The following ANO4 variants were observed in gnomAD, a reference collection of about 807,000 sequenced individuals.
ANO4 encodes the protein anoctamin-4.
Under a neutral mutation model 141.9 loss-of-function variants are expected in ANO4, and 69 were observed. That is an observed-to-expected ratio of 0.49 (90% CI 0.40 to 0.59). ANO4 has a LOEUF of 0.59. Among genes scored for constraint, ANO4 ranks in the 20% least tolerant of loss-of-function variants. ANO4 has a pLI of 0.00. For synonymous variants in ANO4, 350 were observed against 394.3 expected (o/e 0.89, Z 1.33); for missense variants, 894 against 1,162.2 (o/e 0.77, Z 3.36).
At chr12:100,726,668 C>T (rs1018305203) in intron 1 of ANO4, among the ~76,000 whole-genome samples, 16 of 152,130 alleles carry the variant, frequency 1.1e-4, no homozygotes, top group African/African-American at 3.6e-4. Context: ...AGACTGCACT[C>T]GGAGGAGCAG....
At chr12:101,122,484 C>T (rs2051137327) in intron 26 of ANO4, among the ~76,000 whole-genome samples, 2 of 152,130 alleles carry the variant, frequency 1.3e-5, no homozygotes, top group African/African-American at 4.8e-5. Context: ...AAGGGTATTT[C>T]CTAGGTTTTC....
Position 100,888,050 on chromosome 12 carries a change from T to C in ANO4, c.-140-13596T>C, listed in dbSNP as rs577441242. Among the ~76,000 whole-genome samples the C allele has an allele frequency of 2.6e-5, 4 of 152,170 alleles. No homozygotes were observed. In the East Asian group the frequency reaches 7.7e-4, roughly 29 times the overall value. ...TTAAGTATCACAGGGTGAGACAAAG[T>C]GAGAAATTCAGGATTTAGATTGGCA... On this transcript the variant is annotated intron_variant, in intron 1 of 27. Coordinates refer to ENST00000392977, the MANE Select transcript of ANO4 (RefSeq NM_001286615.2).
At chr12:100,739,952 G>C (rs148041984) in exon 3 of ANO4, 3 of 702,362 alleles carry the variant, frequency 4.3e-6, no homozygotes. Flanking sequence ...GCCTCTCTTC[G>C]TCTCCAAAGA....
intron 1 of ANO4, among the ~76,000 whole-genome samples, chr12:100,806,469 C>T (rs1314533008): frequency 6.7e-6 from 1 of 149,344 alleles, no homozygotes; most frequent in Non-Finnish European, 1.5e-5. Context: ...TTTGCAGGCC[C>T]ACTTTCAACT....
At chr12:101,051,740 C>T (rs1482627710) in intron 14 of ANO4, among the ~76,000 whole-genome samples, 1 of 152,172 alleles carries the variant, frequency 6.6e-6, no homozygotes, top group Non-Finnish European at 1.5e-5. Flanking sequence ...TAGAAAGTGG[C>T]AAAGCCAAGA....
At chr12:101,109,757 T>C (rs1381293307) in intron 22 of ANO4, among the ~76,000 whole-genome samples, 1 of 152,126 alleles carries the variant, frequency 6.6e-6, no homozygotes, top group Non-Finnish European at 1.5e-5. Context: ...ATTATTACTG[T>C]GATGTTTGAC....
intron 8 of ANO4, 119 bp downstream of exon 8, chr12:100,987,789 T>G (rs1340577151): frequency 7.2e-7 from 1 of 1,395,238 alleles, no homozygotes; most frequent in Admixed American, 2.3e-5. Context: ...CCTTCTCCCC[T>G]AAAAGTCTTG....
chr12:100,901,672 G>A lies in ANO4; in HGVS notation c.-114G>A. 1 of 916,246 alleles carries A rather than the reference G, an allele frequency of 1.1e-6. No individual in the cohort carries two copies. The highest frequency in any genetic ancestry group is 1.8e-6 in the Non-Finnish European group (1 of 543,106). 56.8% of individuals were successfully genotyped at this position (916,246 alleles called of 1,614,324 possible). On this transcript the variant is annotated 5_prime_UTR_variant, in exon 2 of 28. Coordinates refer to ENST00000392977, the MANE Select transcript of ANO4 (RefSeq NM_001286615.2). The stretch of plus-strand genomic sequence containing the variant: ...TTTAAGTTTATCTATTCATGGGGCT[G>A]AAAAGCGTTTGCAAATCCATCAACG...
chr12:100,818,433 C>T (rs1215597818), intron 1 of ANO4, among the ~76,000 whole-genome samples: 1 of 151,852 alleles, frequency 6.6e-6, no homozygotes, highest in African/African-American at 2.4e-5. Flanking sequence ...CATTACCCTT[C>T]AACTTTATTC....
At chr12:100,822,881 A>G (rs2036128559) in intron 1 of ANO4, among the ~76,000 whole-genome samples, 1 of 151,788 alleles carries the variant, frequency 6.6e-6, no homozygotes, top group Non-Finnish European at 1.5e-5. Flanking sequence ...GCAAAATTTG[A>G]TATATTTCCA....
chr12:100,835,734 C>T (rs1199237803), intron 1 of ANO4, among the ~76,000 whole-genome samples: 1 of 152,026 alleles, frequency 6.6e-6, no homozygotes, highest in Non-Finnish European at 1.5e-5. Flanking sequence ...AATAGAACCA[C>T]ACCATTGTAT....
chr12:100,724,371 G>T lies in ANO4; in HGVS notation c.22+6824G>T, dbSNP rs553864564. Among the ~76,000 whole-genome samples the T allele has an allele frequency of 3.3e-5, 5 of 152,316 alleles. 1 individual carries two copies. The South Asian group carries it at 8.3e-4, about 25-fold the overall frequency. ...TGCATTAGGCTGAGACAGGGTTTGA[G>T]GATGCAAGATGAGTAAAAGATGGCT... On this transcript the variant is annotated intron_variant, in intron 1 of 29. Coordinates refer to the ANO4 transcript ENST00000644049.
intron 22 of ANO4, among the ~76,000 whole-genome samples, chr12:101,107,210 T>A (rs1156342599): frequency 6.6e-6 from 1 of 152,220 alleles, no homozygotes; most frequent in African/African-American, 2.4e-5. Context: ...CTGATAGGTT[T>A]TCTTTGTGTT....
chr12:100,749,987 T>A (rs2032299060), intron 3 of ANO4, among the ~76,000 whole-genome samples: 1 of 152,224 alleles, frequency 6.6e-6, no homozygotes, highest in South Asian at 2.1e-4. Flanking sequence ...GGTTAAAATA[T>A]GATACTGAAG....
chr12:101,042,449 C>G lies in ANO4; in HGVS notation c.1135C>G (p.Leu379Val), dbSNP rs2047445311. The G allele has an allele frequency of 6.2e-7, 1 of 1,614,132 alleles. No homozygotes were observed. Among genetic ancestry groups the G allele is most frequent in the Non-Finnish European group, 8.5e-7 (1 of 1,180,000 alleles). The change falls in exon 12 of 28, where the codon CTG becomes GTG. Residue 379 changes from leucine (L) to valine (V), a missense_variant. This residue lies in a region of ANO4 where 637 missense variants were observed against 909.2 expected (regional missense o/e 0.70). Coordinates refer to ENST00000392977, the MANE Select transcript of ANO4 (RefSeq NM_001286615.2). ...TGTCTTTTTGTATGGCGTCACCACT[C>G]TGGATCACAGCCAAGTCAGGTACGG... ...LFVFLYGVTT[L>V]DHSQVSKEVC...
At chr12:100,964,466 GA>G (rs1393424727) in intron 5 of ANO4, among the ~76,000 whole-genome samples, 2 of 144,742 alleles carry the variant, frequency 1.4e-5, no homozygotes, top group African/African-American at 2.5e-5. Context: ...CATTCACTAT[GA>G]TTTTTTTTAA....
At chr12:100,717,439 T>A, upstream of ANO4, 1 of 392,662 alleles carries the variant, frequency 2.5e-6, no homozygotes, top group Non-Finnish European at 4.5e-6. Context: ...GCGCATGCAC[T>A]CGCCGGGCCG....
chr12:100,754,386 C>A (rs915982444), intron 3 of ANO4, among the ~76,000 whole-genome samples: 1 of 152,130 alleles, frequency 6.6e-6, no homozygotes, highest in Non-Finnish European at 1.5e-5. Flanking sequence ...TCCTGGCTGG[C>A]CTTCCTATCT....
chr12:101,054,712 G>C (rs2048033955), intron 14 of ANO4, among the ~76,000 whole-genome samples: 1 of 152,190 alleles, frequency 6.6e-6, no homozygotes, highest in Non-Finnish European at 1.5e-5. Flanking sequence ...GTGTTAGCCA[G>C]AATGGTCTGG....
Sources: allele counts gnomAD v4.1 joint callset (sites outside exome capture counted in the v4.1 genomes callset), GRCh38; gene constraint gnomAD v4.1.1; regional missense constraint gnomAD v4.1.1; transcripts MANE v1.5; gene names NCBI Gene and HGNC (gene_info 2026-07-23, HGNC 2026-07-21).